Variants in DLC1 observed in about 807,000 individuals in gnomAD.
DLC1 encodes the protein DLC1 Rho GTPase activating protein, also known as rho GTPase-activating protein 7.
A neutral mutation model predicts 140.3 loss-of-function variants in DLC1; 54 were observed. That is an observed-to-expected ratio of 0.38 (90% CI 0.31 to 0.48). DLC1 has a LOEUF of 0.48. DLC1 is among the 20% of genes least tolerant of loss of function. The pLI is 0.96. For missense variants in DLC1, 2,536 were observed against 1,907.0 expected (o/e 1.33, Z -6.14); for synonymous variants, 986 against 728.1 (o/e 1.35, Z -5.70).
chr8:13,559,813 C>T (rs1253903334), intron 1 of DLC1, among the ~76,000 whole-genome samples: 2 of 152,130 alleles, frequency 1.3e-5, no homozygotes, highest in African/African-American at 2.4e-5. Flanking sequence ...ATCATCTGTG[C>T]TATGAAAGGA....
intron 5 of DLC1, among the ~76,000 whole-genome samples, chr8:13,137,694 G>A (rs796317838): frequency 3.3e-4 from 50 of 150,420 alleles, no homozygotes; most frequent in African/African-American, 1.1e-3. Context: ...CTCCGCCTCT[G>A]GTTTAAAGCA....
intron 1 of DLC1, among the ~76,000 whole-genome samples, chr8:13,576,859 T>C (rs563329303): frequency 1.2e-4 from 18 of 152,228 alleles, no homozygotes; most frequent in Non-Finnish European, 2.5e-4. Context: ...GGTAAAGACA[T>C]ATTGTGTCCC....
In DLC1 at chr8:13,431,482, CAAAAAAAAAA is replaced by C. The variant is rs56057254; in HGVS notation, c.1024-29873_1024-29864del. ...TGGGCCACAGAGCGAGACTCCGTCT[CAAAAAAAAAA>C]AAAAAAAAAAAAAAAAAAAAAAAGA... On this transcript the variant is annotated intron_variant, in intron 2 of 17. Transcript: ENST00000276297. 7.4e-3 allele frequency among the ~76,000 whole-genome samples: 299 copies of C among 40,560 alleles called. 2 individuals are homozygous for C. The highest frequency in any genetic ancestry group is 0.032 in the African/African-American group (279 of 8,634). The allele number at this position is 40,560 out of a possible 152,430, so 26.6% of individuals were successfully genotyped here.
chr8:13,584,537 G>A (rs1805234137), intron 1 of DLC1: 2 of 152,134 alleles, frequency 1.3e-5, no homozygotes, highest in South Asian at 4.1e-4. Flanking sequence ...TTTCCTCTGA[G>A]ACATTCTGGG....
intron 4 of DLC1, among the ~76,000 whole-genome samples, chr8:13,393,265 T>G (rs1006152303): frequency 6.8e-6 from 1 of 146,152 alleles, no homozygotes; most frequent in African/African-American, 2.5e-5. Context: ...ATCTCCAGAT[T>G]TTGCATTCTT....
intron 1 of DLC1, among the ~76,000 whole-genome samples, chr8:13,527,073 A>G (rs1042758132): frequency 6.6e-6 from 1 of 152,182 alleles, no homozygotes; most frequent in African/African-American, 2.4e-5. Context: ...TACATAGGTG[A>G]TCATATTGTA....
chr8:13,206,858 AT>A (rs552271379), intron 5 of DLC1, among the ~76,000 whole-genome samples: 3,624 of 150,342 alleles, frequency 0.024, 145 homozygotes, highest in African/African-American at 0.084. Context: ...TGACTTACTA[AT>A]TTTTTTTTTA....
chr8:13,146,537 ATAT>A, intron 5 of DLC1, among the ~76,000 whole-genome samples: 1 of 151,806 alleles, frequency 6.6e-6, no homozygotes, highest in East Asian at 1.9e-4. Context: ...AATAATATTA[ATAT>A]TATTAATAAT....
At chr8:13,454,966 G>A (rs1191148093) in intron 2 of DLC1, among the ~76,000 whole-genome samples, 1 of 152,072 alleles carries the variant, frequency 6.6e-6, no homozygotes, top group Non-Finnish European at 1.5e-5. Flanking sequence ...TTTGAAATCT[G>A]AGATCTAGTT....
rs1420911837 is a variant in DLC1, at chr8:13,084,921, TGTTCA to T, written c.*885_*889del. ...CTTGATTTAAGAGTAAGTGTTATCG[TGTTCA>T]GTTTTTATATCTCGACTTAAACAAA... On this transcript the variant is annotated 3_prime_UTR_variant, in exon 18 of 18. Coordinates refer to ENST00000276297, the MANE Select transcript of DLC1 (RefSeq NM_182643.3). 3 of 152,280 alleles carry T rather than the reference TGTTCA, an allele frequency of 2.0e-5. No individual in the cohort carries two copies. Among genetic ancestry groups the T allele is most frequent in the Non-Finnish European group, 4.4e-5 (3 of 68,066 alleles). 9.4% of individuals were successfully genotyped at this position (152,280 alleles called of 1,614,324 possible). A position where few individuals can be genotyped will look rare whatever the true frequency, so the allele number is the denominator to read the frequency against.
intron 2 of DLC1, among the ~76,000 whole-genome samples, chr8:13,454,375 A>G (rs964969849): frequency 1.3e-5 from 2 of 152,230 alleles, no homozygotes; most frequent in Non-Finnish European, 2.9e-5. Context: ...ACTATAATTC[A>G]TATATAAAAC....
intron 5 of DLC1, among the ~76,000 whole-genome samples, chr8:13,268,907 C>T (rs1830801415): frequency 2.2e-5 from 3 of 138,996 alleles, no homozygotes; most frequent in Admixed American, 1.5e-4. Context: ...TGGAGTCTCA[C>T]TCTGTGGCCC....
chr8:13,501,704 C>G (rs1478819345), intron 1 of DLC1, among the ~76,000 whole-genome samples: 1 of 152,164 alleles, frequency 6.6e-6, no homozygotes, highest in African/African-American at 2.4e-5. Context: ...AAGTATCTTT[C>G]TGGATACTAT....
intron 4 of DLC1, among the ~76,000 whole-genome samples, chr8:13,363,828 C>A (rs1050587704): frequency 6.6e-6 from 1 of 152,112 alleles, no homozygotes; most frequent in Non-Finnish European, 1.5e-5. Context: ...AGATTTGGTA[C>A]CAAAATGATA....
At chr8:13,461,234 G>T (rs1213065177) in intron 2 of DLC1, among the ~76,000 whole-genome samples, 1 of 152,204 alleles carries the variant, frequency 6.6e-6, no homozygotes, top group Non-Finnish European at 1.5e-5. Flanking sequence ...CAAAATATGT[G>T]TAGGAATAAC....
At chr8:13,562,905 A>T (rs1047292709) in intron 1 of DLC1, among the ~76,000 whole-genome samples, 6 of 143,644 alleles carry the variant, frequency 4.2e-5, no homozygotes, top group African/African-American at 1.5e-4. Flanking sequence ...ATTTTTAAGA[A>T]AAAAACAAAA....
intron 7 of DLC1, among the ~76,000 whole-genome samples, chr8:13,107,941 G>C (rs1819719623): frequency 6.6e-6 from 1 of 152,076 alleles, no homozygotes; most frequent in Non-Finnish European, 1.5e-5. Flanking sequence ...AGCTATTCAG[G>C]GGGCTGAGGC....
intron 5 of DLC1, among the ~76,000 whole-genome samples, chr8:13,182,502 G>A (rs1033547451): frequency 3.9e-5 from 6 of 152,148 alleles, no homozygotes; most frequent in South Asian, 2.1e-4. Context: ...TTTGTACAAG[G>A]TGTAAGGAAG....
chr8:13,215,550 C>A (rs886547072), intron 5 of DLC1, among the ~76,000 whole-genome samples: 24 of 152,264 alleles, frequency 1.6e-4, no homozygotes, highest in Middle Eastern at 3.4e-3. Context: ...CACGCCACTG[C>A]ACTCCAGCTT....
Sources: gnomAD v4.1 joint callset for allele counts (sites outside exome capture counted in the v4.1 genomes callset) on GRCh38, gnomAD v4.1.1 for gene constraint, MANE v1.5 for transcripts, NCBI Gene and HGNC (gene_info 2026-07-23, HGNC 2026-07-21) for gene names.